WNK1: variants seen among roughly 807,000 people sequenced by gnomAD.
WNK1 encodes the protein serine/threonine-protein kinase WNK1.
WNK1 carries 38 observed loss-of-function variants against 222.8 expected under a neutral mutation model. That is an observed-to-expected ratio of 0.17 (90% CI 0.13 to 0.22). The LOEUF is 0.22. Among genes scored for constraint, WNK1 ranks in the 10% least tolerant of loss-of-function variants. WNK1 has a pLI of 1.00. For missense variants in WNK1, 2,348 were observed against 2,918.4 expected, an observed-to-expected ratio of 0.80 and a Z score of 4.50; for synonymous variants, 1,090 against 1,092.9, an observed-to-expected ratio of 1.00 and a Z score of 0.05.
At chr12:814,881 G>T (rs1456510773) in intron 2 of WNK1, among the ~76,000 whole-genome samples, 1 of 152,160 alleles carries the variant, frequency 6.6e-6, no homozygotes, top group African/African-American at 2.4e-5. Context: ...GGAGCCCTGA[G>T]CTTGTTTTCC....
At chr12:826,418 G>C (rs1215556761) in intron 2 of WNK1, among the ~76,000 whole-genome samples, 1 of 152,178 alleles carries the variant, frequency 6.6e-6, no homozygotes, top group Non-Finnish European at 1.5e-5. Flanking sequence ...TAGCAGACCT[G>C]CAGAATCAGA....
At chr12:801,473 G>A (rs760743184) in intron 1 of WNK1, among the ~76,000 whole-genome samples, 4 of 144,304 alleles carry the variant, frequency 2.8e-5, no homozygotes, top group South Asian at 2.3e-4. Flanking sequence ...GTAGTGGCAC[G>A]ATCACACTCA....
rs34202153 is a variant in WNK1 at position 896,886 on chromosome 12, CCACACACACACACACACACA to C, written c.6245+188_6245+207del. Among the ~76,000 whole-genome samples the C allele has an allele frequency of 0.12, 15,863 of 134,536 alleles. 1,216 individuals are homozygous for C. Among genetic ancestry groups the C allele is most frequent in the Middle Eastern group, 0.21 (58 of 276 alleles). The allele number at this position is 134,536 out of a possible 152,430, so 88.3% of individuals were successfully genotyped here. ...AGAAGCCCCACCCCATACCTCCCCA[CCACACACACACACACACACA>C]CACACACACACACACACACACACAC... is the stretch of plus-strand genomic sequence containing the variant. On this transcript the variant is annotated intron_variant, in intron 24 of 27. Transcript: ENST00000315939.
intron 5 of WNK1, among the ~76,000 whole-genome samples, chr12:858,857 G>A (rs61919869): frequency 0.032 from 4,869 of 152,074 alleles, 155 homozygotes; most frequent in Non-Finnish European, 0.038. Flanking sequence ...TGATCATGTG[G>A]TATTTTGAAG....
intron 8 of WNK1, among the ~76,000 whole-genome samples, chr12:866,503 C>T (rs1340550711): frequency 6.6e-6 from 1 of 152,136 alleles, no homozygotes; most frequent in African/African-American, 2.4e-5. Context: ...GCTAGGACTA[C>T]AGGCGCATGC....
chr12:862,686 T>C (rs1192280820), intron 8 of WNK1, among the ~76,000 whole-genome samples: 1 of 152,194 alleles, frequency 6.6e-6, no homozygotes. Flanking sequence ...TTCAAACCAT[T>C]ATAGAATGCT....
At chr12:799,973 C>T (rs1257816699) in intron 1 of WNK1, among the ~76,000 whole-genome samples, 2 of 152,102 alleles carry the variant, frequency 1.3e-5, no homozygotes, top group Non-Finnish European at 2.9e-5. Context: ...CGCGCTTGTC[C>T]TACAAAAATT....
intron 4 of WNK1, among the ~76,000 whole-genome samples, chr12:850,483 G>A (rs1950338782): frequency 6.6e-6 from 1 of 152,146 alleles, no homozygotes; most frequent in Admixed American, 6.5e-5. Flanking sequence ...TTTGTCAGAT[G>A]AGTAGATTGC....
At chr12:756,266 A>G (rs993153870) in intron 1 of WNK1, among the ~76,000 whole-genome samples, 25 of 152,232 alleles carry the variant, frequency 1.6e-4, no homozygotes, top group African/African-American at 5.5e-4. Context: ...ACTTCTTAGC[A>G]TGTGATGTGT....
chr12:882,036 A>G lies in WNK1; in HGVS notation c.3335A>G (p.His1112Arg). 6.2e-6 allele frequency: 10 copies of G among 1,614,016 alleles called. No homozygotes were observed. Among genetic ancestry groups the G allele is most frequent in the Non-Finnish European group, 7.6e-6 (9 of 1,179,946 alleles). The change falls in exon 14 of 28, where the codon CAT (histidine) becomes CGT (arginine). Residue 1112 changes from histidine to arginine, a missense_variant. Physicochemically the swap from His to Arg is conservative, Grantham distance 29. Transcript: ENST00000315939. The stretch of plus-strand genomic sequence containing the variant: ...AAATCTGTAAGGAGTCGCTCTCGAC[A>G]TGAAAAAACTTCACGCCCAAAATTA... ...YRKSVRSRSR[H>R]EKTSRPKLRI...
rs1167524958 is a variant in WNK1 at position 757,828 on chromosome 12, G to A, written c.759+3504G>A. On this transcript the variant is annotated intron_variant, in intron 1 of 27. Coordinates refer to ENST00000315939, the MANE Select transcript of WNK1 (RefSeq NM_018979.4). ...CGAGGCGGGTGGATCACGCGGTCAG[G>A]AGTTCGAGAACAGCCTGGCCAACAT... 1.4e-5 allele frequency among the ~76,000 whole-genome samples: 2 copies of A among 146,736 alleles called. 1 individual carries two copies. The highest frequency in any genetic ancestry group is 3.0e-5 in the Non-Finnish European group (2 of 65,730).
At chr12:883,667 C>G in intron 16 of WNK1, 99 bp downstream of exon 16, 4 of 1,588,698 alleles carry the variant, frequency 2.5e-6, no homozygotes, top group Non-Finnish European at 3.5e-6. Context: ...ACCTGACACC[C>G]ATGACCGACA....
At position 862,151 on chromosome 12, in the gene WNK1, A is replaced by G. The variant is rs11833299; in HGVS notation, c.2020A>G (p.Thr674Ala). ...FTESRVSSQQ[T>A]VSYGSQHEQA... ...AGAATCTCGAGTGAGCAGCCAACAG[A>G]CAGTTTCATATGGTTCCCAACATGA... is the stretch of plus-strand genomic sequence containing the variant. Residue 674 changes from threonine to alanine, a missense_variant, in exon 8 of 28, where the codon ACA becomes GCA. Physicochemically the swap from Thr to Ala is moderately conservative, Grantham distance 58. Coordinates refer to ENST00000315939, the MANE Select transcript of WNK1 (RefSeq NM_018979.4). The G allele has an allele frequency of 1.6e-3, 2,627 of 1,614,104 alleles. 28 individuals carry two copies. The African/African-American group carries it at 0.025, about 16-fold the overall frequency.
intron 1 of WNK1, among the ~76,000 whole-genome samples, chr12:799,294 T>C (rs1007289787): frequency 2.0e-5 from 3 of 150,794 alleles, no homozygotes; most frequent in Non-Finnish European, 4.4e-5. Flanking sequence ...GTCTAATTTT[T>C]GTATTTTTTT....
intron 23 of WNK1, among the ~76,000 whole-genome samples, chr12:895,315 C>T (rs1199873492): frequency 2.6e-5 from 4 of 152,110 alleles, no homozygotes; most frequent in African/African-American, 9.7e-5. Flanking sequence ...TTTTAGTTAC[C>T]AGTTAGTTGT....
chr12:890,444 G>A lies in WNK1; in HGVS notation c.5449-9G>A, dbSNP rs752964525. On this transcript the variant is annotated splice_polypyrimidine_tract_variant and intron_variant, in intron 21 of 27. Coordinates refer to ENST00000315939, the MANE Select transcript of WNK1 (RefSeq NM_018979.4). Reference sequence around the variant, plus strand: ...AGATTTGTGGTGTCTGTCTGTGTGTGTTTTACAGCCTGTGTCCATGGCGGC... The same window carrying A: ...AGATTTGTGGTGTCTGTCTGTGTGTATTTTACAGCCTGTGTCCATGGCGGC... The A allele has an allele frequency of 3.1e-6, 5 of 1,614,100 alleles. No individual in the cohort carries two copies. The South Asian group carries it at 4.4e-5, about 14-fold the overall frequency.
In WNK1 at chr12:885,271, A is replaced by C; in HGVS notation, c.4467A>C (p.Leu1489Phe). Reference protein sequence around the residue: ...AAGSTTVGATLTSVSTTTSFP... With the variant: ...AAGSTTVGATFTSVSTTTSFP... ...GCAGCACTACTGTGGGAGCCACATT[A>C]ACATCAGTTTCTACCACCACTTCAT... Residue 1489 changes from leucine to phenylalanine, a missense_variant, in exon 19 of 28, where the codon TTA becomes TTC. Transcript: ENST00000315939. 6.2e-7 allele frequency: 1 copy of C among 1,614,212 alleles called. No homozygotes were observed. Among genetic ancestry groups the C allele is most frequent in the Non-Finnish European group, 8.5e-7 (1 of 1,180,034 alleles).
intron 1 of WNK1, among the ~76,000 whole-genome samples, chr12:810,109 G>A (rs897625971): frequency 6.6e-6 from 1 of 152,128 alleles, no homozygotes; most frequent in African/African-American, 2.4e-5. Flanking sequence ...AATTAGCCAG[G>A]TGTGGTGGCA....
chr12:821,221 C>T (rs1014277528), intron 2 of WNK1, among the ~76,000 whole-genome samples: 2 of 152,034 alleles, frequency 1.3e-5, no homozygotes, highest in African/African-American at 4.8e-5. Context: ...AATCCTTTTA[C>T]TATGCAGTTG....
Sources: allele counts gnomAD v4.1 joint callset (sites outside exome capture counted in the v4.1 genomes callset), GRCh38; gene constraint gnomAD v4.1.1; transcripts MANE v1.5; gene names NCBI Gene and HGNC (gene_info 2026-07-23, HGNC 2026-07-21).